The following CHSY3 variants were observed in gnomAD, a reference collection of about 807,000 sequenced individuals.
CHSY3 encodes chondroitin sulfate synthase 3.
Under a neutral mutation model 67.2 loss-of-function variants are expected in CHSY3, and 35 were observed. That is an observed-to-expected ratio of 0.52 (90% CI 0.40 to 0.69). The LOEUF is 0.69. CHSY3 is among the 30% of genes least tolerant of loss of function. The probability of loss-of-function intolerance (pLI) is 0.00; values close to 1 mark genes in which losing one functional copy is unlikely to be tolerated. For missense variants in CHSY3, 1,069 were observed against 1,138.5 expected (o/e 0.94, Z 0.88); for synonymous variants, 474 against 434.7 (o/e 1.09, Z -1.12).
chr5:130,104,330 C>T (rs773216188), intron 2 of CHSY3, among the ~76,000 whole-genome samples: 3 of 151,808 alleles, frequency 2.0e-5, no homozygotes, highest in Admixed American at 6.6e-5. Context: ...CCTTTCTCAC[C>T]GAAGAGTTAC....
chr5:129,905,028 C>A lies in CHSY3; in HGVS notation c.199C>A (p.Gln67Lys). Residue 67 changes from glutamine to lysine, a missense_variant, in exon 1 of 3, where the codon CAG becomes AAG. Gln to Lys is a moderately conservative substitution (Grantham distance 53). This residue lies in a region of CHSY3 where 309 missense variants were observed against 262.5 expected (regional missense o/e 1.18). Transcript: ENST00000305031. ...AGAQQPLPQP[Q>K]SRPRQEQSPP... is the part of the protein sequence containing the mutation. ...CGCTCAGCAGCCGCTCCCCCAGCCC[C>A]AGTCCCGACCACGGCAGGAGCAGTC... is the stretch of plus-strand genomic sequence containing the variant. 6.4e-7 allele frequency: 1 copy of A among 1,561,138 alleles called. No homozygotes were observed. Among genetic ancestry groups the A allele is most frequent in the South Asian group, 1.2e-5 (1 of 85,674 alleles).
At chr5:130,073,803 A>G (rs534917090) in intron 2 of CHSY3, among the ~76,000 whole-genome samples, 17 of 152,210 alleles carry the variant, frequency 1.1e-4, no homozygotes, top group African/African-American at 3.6e-4. Context: ...ACTTATGTTT[A>G]TTTCTTATCT....
At position 130,157,958 on chromosome 5, in the gene CHSY3, A is replaced by G. The variant is rs574059397; in HGVS notation, c.1087-26271A>G. 1.5e-3 allele frequency among the ~76,000 whole-genome samples: 227 copies of G among 152,270 alleles called. 1 individual carries two copies. Among genetic ancestry groups the G allele is most frequent in the African/African-American group, 4.7e-3 (194 of 41,564 alleles). The stretch of plus-strand genomic sequence containing the variant: ...ATCTATAAATTGCCATGGCATCTAT[A>G]AGTTGTCATGGCATTTATAAATTGT... On this transcript the variant is annotated intron_variant, in intron 2 of 2. Transcript: ENST00000305031.
chr5:129,954,356 A>C (rs1212697733), intron 2 of CHSY3, among the ~76,000 whole-genome samples: 1 of 151,996 alleles, frequency 6.6e-6, no homozygotes, highest in African/African-American at 2.4e-5. Flanking sequence ...TTTTGGTACC[A>C]GTACCATGCT....
At chr5:130,050,189 A>G (rs1227852904) in intron 2 of CHSY3, among the ~76,000 whole-genome samples, 1 of 152,102 alleles carries the variant, frequency 6.6e-6, no homozygotes, top group Non-Finnish European at 1.5e-5. Context: ...TCTTTTGACT[A>G]GTGCATTCTG....
At chr5:130,105,211 T>C (rs1162972125) in intron 2 of CHSY3, among the ~76,000 whole-genome samples, 1 of 151,682 alleles carries the variant, frequency 6.6e-6, no homozygotes, top group Admixed American at 6.6e-5. Flanking sequence ...TCTTGCTCCC[T>C]TTCTCTCTTC....
chr5:129,997,405 G>A (rs1763572829), intron 2 of CHSY3, among the ~76,000 whole-genome samples: 1 of 152,066 alleles, frequency 6.6e-6, no homozygotes, highest in African/African-American at 2.4e-5. Context: ...ACAGTGCAAT[G>A]ACATGTAAGT....
rs146748357 is a variant in CHSY3, at chr5:129,999,239, A to G, written c.1086+90879A>G. Among the ~76,000 whole-genome samples the G allele has an allele frequency of 4.8e-3, 730 of 151,174 alleles. 2 individuals carry two copies. Among genetic ancestry groups the G allele is most frequent in the Non-Finnish European group, 7.6e-3 (518 of 67,836 alleles). On this transcript the variant is annotated intron_variant, in intron 2 of 2. Coordinates refer to ENST00000305031, the MANE Select transcript of CHSY3 (RefSeq NM_175856.5). ...TATCTTTATCCTATACATAATTTCT[A>G]TATACATATACACCCAACCTTTTGT...
chr5:129,999,124 C>CTTTTT (rs376975711), intron 2 of CHSY3, among the ~76,000 whole-genome samples: 44 of 141,714 alleles, frequency 3.1e-4, no homozygotes, highest in African/African-American at 9.5e-4. Flanking sequence ...TCCCCCCTCC[C>CTTTTT]TTTTTTTTTT....
chr5:129,908,036 G>T (rs764478287), intron 1 of CHSY3, 41 bp from the exon 2 acceptor site: 7 of 1,588,450 alleles, frequency 4.4e-6, no homozygotes, highest in Non-Finnish European at 5.1e-6. Flanking sequence ...AAGTGATTAT[G>T]AAATAAGGAG....
intron 2 of CHSY3, among the ~76,000 whole-genome samples, chr5:130,020,118 G>A (rs1764323700): frequency 6.6e-6 from 1 of 151,956 alleles, no homozygotes; most frequent in Non-Finnish European, 1.5e-5. Flanking sequence ...TATTTCTCAG[G>A]TTAAATTTTT....
intron 2 of CHSY3, among the ~76,000 whole-genome samples, chr5:129,962,306 C>T (rs1580586403): frequency 6.6e-6 from 1 of 151,884 alleles, no homozygotes. Flanking sequence ...ATGAGATCTC[C>T]TCCTCTCTCC....
At chr5:130,162,040 CAAAA>C (rs371228605) in intron 2 of CHSY3, among the ~76,000 whole-genome samples, 11 of 65,088 alleles carry the variant, frequency 1.7e-4, no homozygotes, top group Admixed American at 1.1e-3. Flanking sequence ...GACCCTGTCT[CAAAA>C]AAAAAAAAAA....
intron 2 of CHSY3, among the ~76,000 whole-genome samples, chr5:130,099,633 T>G (rs1298118601): frequency 1.3e-5 from 2 of 152,238 alleles, no homozygotes; most frequent in Non-Finnish European, 1.5e-5. Flanking sequence ...GAATTTCATC[T>G]TTTCATTTAT....
rs191339647 is a variant in CHSY3 at position 130,173,243 on chromosome 5, A to G, written c.1087-10986A>G. Among the ~76,000 whole-genome samples, 620 of 152,274 alleles carry G rather than the reference A, an allele frequency of 4.1e-3. 1 individual carries two copies. The highest frequency in any genetic ancestry group is 6.9e-3 in the Non-Finnish European group (467 of 68,004). On this transcript the variant is annotated intron_variant, in intron 2 of 2. Transcript: ENST00000305031. ...AGGGATTTCCTTCAAAACAAAAAAG[A>G]GAGAGAGACAAGAGACAAAATATTT...
chr5:129,958,365 G>C (rs1762237983), intron 2 of CHSY3, among the ~76,000 whole-genome samples: 1 of 151,936 alleles, frequency 6.6e-6, no homozygotes, highest in Non-Finnish European at 1.5e-5. Context: ...TTGGGAGTAG[G>C]GCATCTGACA....
At chr5:130,041,648 G>A (rs1400490623) in intron 2 of CHSY3, among the ~76,000 whole-genome samples, 1 of 152,062 alleles carries the variant, frequency 6.6e-6, no homozygotes, top group Non-Finnish European at 1.5e-5. Context: ...AATAAGCAAA[G>A]AGAGAGAGTG....
chr5:130,079,514 T>C (rs1271366906), intron 2 of CHSY3, among the ~76,000 whole-genome samples: 1 of 152,108 alleles, frequency 6.6e-6, no homozygotes, highest in Non-Finnish European at 1.5e-5. Flanking sequence ...TTTCAGTGAA[T>C]GCTGTCGTAT....
chr5:130,068,474 A>G (rs200412979), intron 2 of CHSY3, among the ~76,000 whole-genome samples: 1 of 152,108 alleles, frequency 6.6e-6, no homozygotes. Context: ...TCTAAGAACA[A>G]CAACAACAAC....
Sources: allele counts gnomAD v4.1 joint callset (sites outside exome capture counted in the v4.1 genomes callset), GRCh38; gene constraint gnomAD v4.1.1; regional missense constraint gnomAD v4.1.1; transcripts MANE v1.5; gene names NCBI Gene and HGNC (gene_info 2026-07-23, HGNC 2026-07-21).